GPR89A: variants seen among roughly 807,000 people sequenced by gnomAD.
The protein encoded by GPR89A is golgi pH regulator A.
Under a neutral mutation model 52.0 loss-of-function variants are expected in GPR89A, and 16 were observed. That is an observed-to-expected ratio of 0.31 (90% confidence interval 0.21 to 0.47). The LOEUF (loss-of-function observed/expected upper bound fraction) is 0.47, where lower values mean the gene tolerates loss of function less well. Among genes scored for constraint, GPR89A ranks in the 20% least tolerant of loss-of-function variants. The probability of loss-of-function intolerance (pLI) is 1.00; values close to 1 mark genes in which losing one functional copy is unlikely to be tolerated. For synonymous variants in GPR89A, 55 were observed against 150.9 expected, an observed-to-expected ratio of 0.36 and a Z score of 4.66; for missense variants, 135 against 449.4, an observed-to-expected ratio of 0.30 and a Z score of 6.33.
intron 1 of GPR89A, among the ~76,000 whole-genome samples, chr1:145,614,284 C>T (rs186415527): frequency 6.6e-6 from 1 of 152,290 alleles, no homozygotes; most frequent in Admixed American, 6.5e-5. Flanking sequence ...TAACCCCTTA[C>T]AGATTGGTTT....
chr1:145,625,065 C>G (rs1649397706), intron 5 of GPR89A, among the ~76,000 whole-genome samples: 2 of 151,396 alleles, frequency 1.3e-5, no homozygotes, highest in Admixed American at 1.3e-4. Context: ...TTGCCTATAG[C>G]AGGAATTTCG....
At chr1:145,635,403 C>T (rs1650163268) in intron 7 of GPR89A, among the ~76,000 whole-genome samples, 1 of 27,252 alleles carries the variant, frequency 3.7e-5, no homozygotes, top group Non-Finnish European at 7.1e-5. Context: ...GAGACTCCGT[C>T]TCAAAAAAGA....
At position 145,634,958 on chromosome 1, in the gene GPR89A, G is replaced by A. The variant is rs1553690490; in HGVS notation, c.617+3214G>A. On this transcript the variant is annotated intron_variant, in intron 7 of 13. Coordinates refer to ENST00000313835, the MANE Select transcript of GPR89A (RefSeq NM_001097612.2). ...TTTCTTACCTTCATGAAGCTTATTA[G>A]TCTACTCTCTTTATTAAAGTTATTA... is the stretch of plus-strand genomic sequence containing the variant. Among the ~76,000 whole-genome samples the A allele has an allele frequency of 2.6e-5, 4 of 152,024 alleles. 1 individual carries two copies. The South Asian group carries it at 8.3e-4, about 31-fold the overall frequency.
In GPR89A at chr1:145,646,824, T is replaced by G; in HGVS notation, c.817-351T>G. 2.0e-5 allele frequency: 6 copies of G among 295,990 alleles called. No individual in the cohort carries two copies. In the South Asian group the frequency reaches 2.1e-4, roughly 10 times the overall value. 18.3% of individuals were successfully genotyped at this position (295,990 alleles called of 1,614,324 possible). On this transcript the variant is annotated intron_variant, in intron 9 of 13. Transcript: ENST00000313835. ...TATAGGACAGAGGTTAACATAGGCT[T>G]TGGAAACAGATAAACCTGAGCCTAC... is the stretch of plus-strand genomic sequence containing the variant.
rs587771147 is a variant in GPR89A, at chr1:145,653,991, T to C, written c.909+6724T>C. The stretch of plus-strand genomic sequence containing the variant: ...TAAGGTTAAAATTGTTATGTGTGAT[T>C]TGATCCTGTCATCATGATGCTAGCT... On this transcript the variant is annotated intron_variant, in intron 10 of 13. Transcript: ENST00000313835. Among the ~76,000 whole-genome samples, 60 of 152,254 alleles carry C rather than the reference T, an allele frequency of 3.9e-4. 1 individual carries two copies. The highest frequency in any genetic ancestry group is 1.2e-3 in the East Asian group (6 of 5,182).
intron 4 of GPR89A, 119 bp downstream of exon 4, chr1:145,623,279 C>G: frequency 1.6e-6 from 1 of 606,076 alleles, no homozygotes; most frequent in Non-Finnish European, 2.9e-6. Flanking sequence ...TTGAGGATAC[C>G]TCACACACAA....
Position 145,623,106 on chromosome 1 carries a change from G to A in GPR89A, c.259G>A (p.Val87Ile), listed in dbSNP as rs1272493429. 1.2e-6 allele frequency: 2 copies of A among 1,612,344 alleles called. No homozygotes were observed. The highest frequency in any genetic ancestry group is 1.7e-6 in the Non-Finnish European group (2 of 1,179,198). The change falls in exon 4 of 14, where the codon GTT (valine) becomes ATT (isoleucine). Residue 87 changes from valine (V) to isoleucine (I), a missense_variant. Transcript: ENST00000313835. ...CCTGTGTGTAATTCTGCTGATCCTG[G>A]TTTTCATGGTGCCTTTTTACATTGG... The part of the protein sequence containing the change: ...MNLCVILLIL[V>I]FMVPFYIGYF...
intron 10 of GPR89A, among the ~76,000 whole-genome samples, chr1:145,648,799 T>TTTC (rs1651235898): frequency 4.3e-3 from 6 of 1,404 alleles, no homozygotes; most frequent in African/African-American, 0.012. Flanking sequence ...AAGCATGTTC[T>TTTC]TTTTTTTTTT....
intron 1 of GPR89A, chr1:145,611,358 A>G (rs1345167580): frequency 6.6e-6 from 1 of 151,080 alleles, no homozygotes; most frequent in Non-Finnish European, 1.5e-5. Context: ...CCTGCCCCCA[A>G]GTAGTCTCCA....
At chr1:145,622,079 C>G (rs1553688229) in intron 3 of GPR89A, among the ~76,000 whole-genome samples, 4 of 151,682 alleles carry the variant, frequency 2.6e-5, no homozygotes. Flanking sequence ...TCCATTTCTA[C>G]CTAAAGAGAA....
chr1:145,652,235 C>A (rs1369365624), intron 10 of GPR89A, among the ~76,000 whole-genome samples: 1 of 150,278 alleles, frequency 6.7e-6, no homozygotes, highest in African/African-American at 2.5e-5. Context: ...AAGGCCTTTT[C>A]TGTGTCTATT....
chr1:145,657,866 T>A (rs1651915139), intron 10 of GPR89A, among the ~76,000 whole-genome samples: 1 of 150,510 alleles, frequency 6.6e-6, no homozygotes, highest in South Asian at 2.1e-4. Flanking sequence ...TATTGAGATA[T>A]AATTCACATA....
intron 7 of GPR89A, among the ~76,000 whole-genome samples, chr1:145,635,357 G>C (rs1270592641): frequency 2.6e-5 from 4 of 151,784 alleles, no homozygotes; most frequent in African/African-American, 4.8e-5. Flanking sequence ...GGTAAGCCCA[G>C]ATCGCGCCAC....
intron 7 of GPR89A, among the ~76,000 whole-genome samples, chr1:145,642,256 C>A (rs1650702626): frequency 6.6e-6 from 1 of 151,950 alleles, no homozygotes; most frequent in South Asian, 2.1e-4. Flanking sequence ...CTGAAATGAA[C>A]TATTAAATGA....
chr1:145,628,304 A>T (rs1553689282), intron 5 of GPR89A, among the ~76,000 whole-genome samples: 1 of 152,222 alleles, frequency 6.6e-6, no homozygotes, highest in African/African-American at 2.4e-5. Flanking sequence ...GACCAAGAAA[A>T]AGCAATTAGA....
chr1:145,636,995 A>T (rs1650287692), intron 7 of GPR89A, among the ~76,000 whole-genome samples: 1 of 152,130 alleles, frequency 6.6e-6, no homozygotes, highest in South Asian at 2.1e-4. Flanking sequence ...CTCAGTATAA[A>T]CCCTTCCCAA....
chr1:145,621,794 T>C (rs1236541673), intron 3 of GPR89A, among the ~76,000 whole-genome samples: 1 of 151,950 alleles, frequency 6.6e-6, no homozygotes, highest in Admixed American at 6.6e-5. Context: ...AGAGATGATA[T>C]ACAAATGGCC....
intron 2 of GPR89A, among the ~76,000 whole-genome samples, chr1:145,617,356 T>C (rs587603428): frequency 6.6e-6 from 1 of 152,280 alleles, no homozygotes; most frequent in East Asian, 1.9e-4. Context: ...GTTATTCTGT[T>C]CTTTTTCAGG....
intron 5 of GPR89A, among the ~76,000 whole-genome samples, chr1:145,629,651 G>T (rs1239232902): frequency 6.6e-6 from 1 of 151,970 alleles, no homozygotes; most frequent in Non-Finnish European, 1.5e-5. Context: ...CCAGAGTTGG[G>T]AATTTGTAGG....
Sources: allele counts gnomAD v4.1 joint callset (sites outside exome capture counted in the v4.1 genomes callset), GRCh38; gene constraint gnomAD v4.1.1; transcripts MANE v1.5; gene names NCBI Gene and HGNC (gene_info 2026-07-23, HGNC 2026-07-21).